The following SMIM14 variants were observed in gnomAD, a reference collection of about 807,000 sequenced individuals.
SMIM14 encodes the protein small integral membrane protein 14, also known as chromosome 4 open reading frame 34.
A neutral mutation model predicts 12.6 loss-of-function variants in SMIM14; 5 were observed. The observed-to-expected ratio is 0.40, with a 90% confidence interval of 0.21 to 0.83. The LOEUF is 0.83. SMIM14 is among the 40% of genes least tolerant of loss of function. The pLI is 0.37. For missense variants in SMIM14, 86 were observed against 119.1 expected (o/e 0.72, Z 1.29); for synonymous variants, 30 against 40.1 (o/e 0.75, Z 0.95).
Position 39,547,848 on chromosome 4 carries a change from G to A in SMIM14, c.*4278C>T, listed in dbSNP as rs1029878453. 2 of 151,546 alleles carry A rather than the reference G, an allele frequency of 1.3e-5. No individual in the cohort carries two copies. Among genetic ancestry groups the A allele is most frequent in the African/African-American group, 4.8e-5 (2 of 41,248 alleles). 9.4% of individuals were successfully genotyped at this position (151,546 alleles called of 1,614,324 possible). A position where few individuals can be genotyped will look rare whatever the true frequency, so the allele number is the denominator to read the frequency against. ...TTGGAAAATCCACATTATGAAATAT[G>A]ACTTGCTGACCATGGAACAGTGCTT... is the stretch of plus-strand genomic sequence containing the variant. On this transcript the variant is annotated 3_prime_UTR_variant, in exon 5 of 5. Transcript: ENST00000295958.
At chr4:39,627,099 T>A (rs1213052314) in intron 1 of SMIM14, among the ~76,000 whole-genome samples, 2 of 152,190 alleles carry the variant, frequency 1.3e-5, no homozygotes, top group African/African-American at 2.4e-5. Context: ...GCCTTCTCAC[T>A]GTGTCCTACT....
intron 1 of SMIM14, among the ~76,000 whole-genome samples, chr4:39,609,349 A>G (rs527546215): frequency 1.3e-5 from 2 of 152,200 alleles, no homozygotes; most frequent in Admixed American, 6.5e-5. Context: ...TGTTACATAA[A>G]TGGTGCCTAG....
intron 3 of SMIM14, among the ~76,000 whole-genome samples, chr4:39,563,223 G>C (rs1712405936): frequency 6.6e-6 from 1 of 151,850 alleles, no homozygotes. Context: ...TCCACACCCG[G>C]CTAATTTTTT....
intron 3 of SMIM14, among the ~76,000 whole-genome samples, chr4:39,559,993 G>C (rs1712218687): frequency 6.6e-6 from 1 of 151,738 alleles, no homozygotes; most frequent in Non-Finnish European, 1.5e-5. Flanking sequence ...GTGGTGGTGT[G>C]TGCCTGCGGT....
chr4:39,638,417 G>A (rs1245225340), intron 1 of SMIM14: 1 of 962,582 alleles, frequency 1.0e-6, no homozygotes, highest in Non-Finnish European at 1.2e-6. Flanking sequence ...TTTACTCCAT[G>A]ATACGCCTCC....
chr4:39,604,838 T>G (rs1039191660), intron 2 of SMIM14, among the ~76,000 whole-genome samples: 2 of 152,178 alleles, frequency 1.3e-5, no homozygotes, highest in African/African-American at 4.8e-5. Flanking sequence ...CTCGAACTCC[T>G]GAGTTCAAGT....
At chr4:39,562,819 T>C (rs1712377861) in intron 3 of SMIM14, among the ~76,000 whole-genome samples, 1 of 151,316 alleles carries the variant, frequency 6.6e-6, no homozygotes, top group Non-Finnish European at 1.5e-5. Flanking sequence ...AATTTTTGTA[T>C]TTTTAGTAGA....
Position 39,571,545 on chromosome 4 carries a change from G to A in SMIM14, c.124+870C>T, listed in dbSNP as rs940402471. On this transcript the variant is annotated intron_variant, in intron 3 of 4. Coordinates refer to ENST00000295958, the MANE Select transcript of SMIM14 (RefSeq NM_174921.3). Reference sequence around the variant, plus strand: ...CAGTGAGCCATGATCGCACAATTGCGCTCAGTGTGGGCGACAAAGCAAGAC... The same window carrying A: ...CAGTGAGCCATGATCGCACAATTGCACTCAGTGTGGGCGACAAAGCAAGAC... Among the ~76,000 whole-genome samples the A allele has an allele frequency of 4.6e-5, 7 of 151,778 alleles. No homozygotes were observed. The East Asian group carries it at 7.7e-4, about 17-fold the overall frequency.
intron 1 of SMIM14, chr4:39,638,113 C>T (rs1180735869): frequency 6.6e-6 from 1 of 152,178 alleles, no homozygotes; most frequent in Admixed American, 6.6e-5. Context: ...CGGGTAGAGC[C>T]GGTAACCAGT....
At chr4:39,621,503 G>A (rs1715487013) in intron 1 of SMIM14, among the ~76,000 whole-genome samples, 1 of 152,012 alleles carries the variant, frequency 6.6e-6, no homozygotes, top group Non-Finnish European at 1.5e-5. Flanking sequence ...AAACGTGCAT[G>A]CCCTCTGAAT....
intron 3 of SMIM14, among the ~76,000 whole-genome samples, chr4:39,557,292 G>C (rs899065459): frequency 2.6e-5 from 4 of 152,070 alleles, no homozygotes; most frequent in African/African-American, 4.8e-5. Context: ...GATTACAGGT[G>C]TGAGCCACTG....
chr4:39,579,148 C>G (rs548891928), intron 2 of SMIM14, among the ~76,000 whole-genome samples: 2 of 151,658 alleles, frequency 1.3e-5, no homozygotes, highest in Admixed American at 1.3e-4. Flanking sequence ...GTGGCTCATC[C>G]CTGTAATCCC....
intron 2 of SMIM14, chr4:39,592,544 C>A (rs1307182749): frequency 6.6e-6 from 1 of 151,990 alleles, no homozygotes; most frequent in East Asian, 1.9e-4. Flanking sequence ...CTGATGAGAA[C>A]AAATCCTACC....
At chr4:39,625,442 A>AT (rs71192885) in intron 1 of SMIM14, among the ~76,000 whole-genome samples, 88,438 of 150,440 alleles carry the variant, frequency 0.59, 26,311 homozygotes, top group East Asian at 0.79. Context: ...CATCATTACA[A>AT]TTTTTTTTTT....
chr4:39,587,008 G>GATA (rs1272540964), intron 2 of SMIM14, among the ~76,000 whole-genome samples: 2 of 151,708 alleles, frequency 1.3e-5, no homozygotes, highest in Non-Finnish European at 2.9e-5. Flanking sequence ...CTATCACAAG[G>GATA]CCTCTACCCT....
At chr4:39,636,468 T>C (rs1230358853) in intron 1 of SMIM14, among the ~76,000 whole-genome samples, 1 of 152,196 alleles carries the variant, frequency 6.6e-6, no homozygotes, top group Non-Finnish European at 1.5e-5. Flanking sequence ...GAGGAAATCT[T>C]TTAAAACCAT....
chr4:39,569,763 G>T lies in SMIM14; in HGVS notation c.124+2652C>A, dbSNP rs922196651. Among the ~76,000 whole-genome samples the T allele has an allele frequency of 2.0e-5, 3 of 152,004 alleles. 1 individual carries two copies. Among genetic ancestry groups the T allele is most frequent in the South Asian group, 4.2e-4 (2 of 4,802 alleles). ...AAAAAAAAAGAAAAAAAGAAAAAAA[G>T]AAATTATTTTTGAGCTGTAGGCAAT... On this transcript the variant is annotated intron_variant, in intron 3 of 4. Transcript: ENST00000295958.
intron 2 of SMIM14, among the ~76,000 whole-genome samples, chr4:39,595,897 G>A (rs1009875020): frequency 1.4e-4 from 21 of 152,006 alleles, no homozygotes; most frequent in African/African-American, 5.1e-4. Flanking sequence ...TTACAGGGGT[G>A]AGCCACCATG....
chr4:39,569,917 T>TA (rs1433775026), intron 3 of SMIM14, among the ~76,000 whole-genome samples: 1 of 152,164 alleles, frequency 6.6e-6, no homozygotes, highest in East Asian at 1.9e-4. Flanking sequence ...GAGGAGTCTA[T>TA]AAACAAACCT....
Sources: allele counts gnomAD v4.1 joint callset (sites outside exome capture counted in the v4.1 genomes callset), GRCh38; gene constraint gnomAD v4.1.1; transcripts MANE v1.5; gene names NCBI Gene and HGNC (gene_info 2026-07-23, HGNC 2026-07-21).